SCAMP1: variants seen among roughly 807,000 people sequenced by gnomAD.
SCAMP1 encodes the protein secretory carrier-associated membrane protein 1.
SCAMP1 carries 15 observed loss-of-function variants against 41.8 expected under a neutral mutation model. The observed-to-expected ratio is 0.36, with a 90% CI of 0.24 to 0.55. SCAMP1 has a LOEUF of 0.55. Ranked by LOEUF, SCAMP1 falls within the 20% of genes least tolerant of loss-of-function variation. The pLI is 0.86. For missense variants in SCAMP1, 341 were observed against 412.6 expected (o/e 0.83, Z 1.50); for synonymous variants, 135 against 136.8 (o/e 0.99, Z 0.09).
intron 1 of SCAMP1, among the ~76,000 whole-genome samples, chr5:78,374,963 A>G (rs932350650): frequency 6.6e-6 from 1 of 152,094 alleles, no homozygotes; most frequent in Non-Finnish European, 1.5e-5. Flanking sequence ...AGAGATTTTT[A>G]ATGGCTTTTC....
intron 2 of SCAMP1, among the ~76,000 whole-genome samples, chr5:78,400,644 G>A (rs755438795): frequency 6.6e-6 from 1 of 152,106 alleles, no homozygotes; most frequent in African/African-American, 2.4e-5. Flanking sequence ...TTTGAAATTC[G>A]ACTTGTTCAT....
intron 1 of SCAMP1, among the ~76,000 whole-genome samples, chr5:78,370,247 G>A (rs1269098307): frequency 2.6e-5 from 4 of 152,230 alleles, no homozygotes; most frequent in Non-Finnish European, 5.9e-5. Context: ...GTTTTTGGTG[G>A]TGTAGTGGAG....
intron 6 of SCAMP1, among the ~76,000 whole-genome samples, chr5:78,427,076 A>G (rs578226157): frequency 6.6e-6 from 1 of 152,288 alleles, no homozygotes; most frequent in Non-Finnish European, 1.5e-5. Context: ...AGGCTGGGTA[A>G]TTTATAAAGA....
chr5:78,371,295 G>C (rs1036601947), intron 1 of SCAMP1, among the ~76,000 whole-genome samples: 1 of 152,120 alleles, frequency 6.6e-6, no homozygotes, highest in African/African-American at 2.4e-5. Flanking sequence ...AGTTTTAGCT[G>C]TTGAATTTAG....
At chr5:78,443,653 CT>C (rs71613955) in intron 6 of SCAMP1, among the ~76,000 whole-genome samples, 1,538 of 71,878 alleles carry the variant, frequency 0.021, 12 homozygotes, top group African/African-American at 0.079. Context: ...AGTGGTTTTG[CT>C]TTTTTTTTTT....
chr5:78,433,103 A>G (rs1180055797), intron 6 of SCAMP1, among the ~76,000 whole-genome samples: 1 of 152,132 alleles, frequency 6.6e-6, no homozygotes, highest in Non-Finnish European at 1.5e-5. Flanking sequence ...TCTTATATAT[A>G]TGCTAAGATG....
chr5:78,446,534 T>A (rs892504124), intron 6 of SCAMP1, among the ~76,000 whole-genome samples: 1 of 152,132 alleles, frequency 6.6e-6, no homozygotes, highest in Non-Finnish European at 1.5e-5. Flanking sequence ...ATATTCTTCA[T>A]TCTTTGCCAG....
chr5:78,396,174 A>G (rs867633353), intron 2 of SCAMP1, among the ~76,000 whole-genome samples: 24 of 152,314 alleles, frequency 1.6e-4, no homozygotes, highest in Middle Eastern at 6.8e-3. Flanking sequence ...ATAATGATGG[A>G]TACATGTCAT....
chr5:78,434,740 T>C (rs1457470785), intron 6 of SCAMP1, among the ~76,000 whole-genome samples: 1 of 152,200 alleles, frequency 6.6e-6, no homozygotes, highest in Non-Finnish European at 1.5e-5. Context: ...TCAGAGTAAA[T>C]CACTACTGTC....
At position 78,479,189 on chromosome 5, in the gene SCAMP1, T is replaced by G. The variant is rs1266257763; in HGVS notation, c.*3521T>G. ...CCATGGCTGTCATATACCATTTCACTATATCTCCTTTCAGTTTTTCCTTAA... is the reference window on the plus strand; with the variant it reads ...CCATGGCTGTCATATACCATTTCACGATATCTCCTTTCAGTTTTTCCTTAA... On this transcript the variant is annotated 3_prime_UTR_variant, in exon 9 of 9. Transcript: ENST00000621999. The G allele has an allele frequency of 6.6e-6, 1 of 152,198 alleles. No homozygotes were observed. The highest frequency in any genetic ancestry group is 1.5e-5 in the Non-Finnish European group (1 of 68,008). The allele number at this position is 152,198 out of a possible 1,614,324, so 9.4% of individuals were successfully genotyped here.
chr5:78,430,928 G>A (rs1242482696), intron 6 of SCAMP1, among the ~76,000 whole-genome samples: 3 of 152,046 alleles, frequency 2.0e-5, no homozygotes, highest in African/African-American at 7.2e-5. Flanking sequence ...TGAGTGTTGA[G>A]AATGTGGAGA....
chr5:78,372,902 T>G (rs182436972), intron 1 of SCAMP1, among the ~76,000 whole-genome samples: 13 of 137,784 alleles, frequency 9.4e-5, no homozygotes, highest in Admixed American at 2.3e-4. Flanking sequence ...TTTATTTTCT[T>G]TATCTGTTAT....
At chr5:78,456,305 T>C (rs1753398564) in intron 7 of SCAMP1, among the ~76,000 whole-genome samples, 1 of 151,818 alleles carries the variant, frequency 6.6e-6, no homozygotes, top group Non-Finnish European at 1.5e-5. Context: ...TTTGGCATGA[T>C]TTTGCAGCGG....
rs186978617 is a variant in SCAMP1 at position 78,438,012 on chromosome 5, A to G, written c.633-11921A>G. Among the ~76,000 whole-genome samples the G allele has an allele frequency of 1.3e-4, 20 of 152,262 alleles. 1 individual carries two copies. In the East Asian group the frequency reaches 3.5e-3, roughly 26 times the overall value. On this transcript the variant is annotated intron_variant, in intron 6 of 8. Coordinates refer to ENST00000621999, the MANE Select transcript of SCAMP1 (RefSeq NM_004866.6). ...CCAGTTTATTTGTGTAGAGGTGTTC[A>G]TAGTATTCTCTGATGGTAGTTTGTA...
chr5:78,384,498 A>T (rs1426149799), intron 1 of SCAMP1, among the ~76,000 whole-genome samples: 4 of 152,012 alleles, frequency 2.6e-5, no homozygotes, highest in African/African-American at 2.4e-5. Context: ...GGTGTAGAAT[A>T]GAAGTGGTGA....
At chr5:78,414,099 G>T (rs1429681779) in intron 2 of SCAMP1, among the ~76,000 whole-genome samples, 5 of 151,366 alleles carry the variant, frequency 3.3e-5, no homozygotes, top group Non-Finnish European at 2.9e-5. Flanking sequence ...TATGGTGCAT[G>T]TGTCGAGGGA....
At chr5:78,405,620 G>A (rs1193171966) in intron 2 of SCAMP1, among the ~76,000 whole-genome samples, 1 of 152,186 alleles carries the variant, frequency 6.6e-6, no homozygotes, top group Non-Finnish European at 1.5e-5. Context: ...TGTTCAATAT[G>A]TGTATTGTTT....
chr5:78,448,715 A>G lies in SCAMP1; in HGVS notation c.633-1218A>G, dbSNP rs181218444. Among the ~76,000 whole-genome samples, 44 of 152,322 alleles carry G rather than the reference A, an allele frequency of 2.9e-4. No individual in the cohort carries two copies. The East Asian group carries it at 6.0e-3, about 21-fold the overall frequency. Reference sequence around the variant, plus strand: ...GCCAGTGGGGATGAAAAGTAGAACAACCAGGCTGGGCACAGTGGCTCATGC... The same window carrying G: ...GCCAGTGGGGATGAAAAGTAGAACAGCCAGGCTGGGCACAGTGGCTCATGC... On this transcript the variant is annotated intron_variant, in intron 6 of 8. Coordinates refer to ENST00000621999, the MANE Select transcript of SCAMP1 (RefSeq NM_004866.6).
intron 1 of SCAMP1, among the ~76,000 whole-genome samples, chr5:78,379,780 G>T (rs897937161): frequency 5.3e-5 from 8 of 152,174 alleles, no homozygotes; most frequent in Non-Finnish European, 8.8e-5. Flanking sequence ...AGTTGGACTC[G>T]TACTTCTGTG....
Sources: allele counts gnomAD v4.1 joint callset (sites outside exome capture counted in the v4.1 genomes callset), GRCh38; gene constraint gnomAD v4.1.1; transcripts MANE v1.5; gene names NCBI Gene and HGNC (gene_info 2026-07-23, HGNC 2026-07-21).